The following SAP130 variants were observed in gnomAD, a reference collection of about 807,000 sequenced individuals.
The protein encoded by SAP130 is histone deacetylase complex subunit SAP130.
SAP130 carries 16 observed loss-of-function variants against 103.2 expected under a neutral mutation model. The ratio of observed to expected loss-of-function variants is 0.16; its 90% CI spans 0.10 to 0.24. The LOEUF is 0.24. Ranked by LOEUF, SAP130 falls within the 10% of genes least tolerant of loss-of-function variation. The probability of loss-of-function intolerance (pLI) is 1.00; values close to 1 mark genes in which losing one functional copy is unlikely to be tolerated. For synonymous variants in SAP130, 477 were observed against 497.0 expected (o/e 0.96, Z 0.53); for missense variants, 990 against 1,359.7 (o/e 0.73, Z 4.28).
intron 2 of SAP130, among the ~76,000 whole-genome samples, chr2:128,019,498 G>A (rs1442239615): frequency 6.6e-6 from 1 of 152,134 alleles, no homozygotes; most frequent in Non-Finnish European, 1.5e-5. Flanking sequence ...TGAATACCTG[G>A]GATCGAGTGT....
intron 18 of SAP130, among the ~76,000 whole-genome samples, chr2:127,948,328 G>GTTTGT (rs1679258898): frequency 9.8e-6 from 1 of 101,536 alleles, no homozygotes; most frequent in Non-Finnish European, 2.0e-5. Context: ...TTTCCTGTGA[G>GTTTGT]TTTTTTTTTT....
chr2:127,974,044 AAAAC>A (rs562770343), intron 15 of SAP130, among the ~76,000 whole-genome samples: 23 of 152,304 alleles, frequency 1.5e-4, no homozygotes, highest in African/African-American at 3.6e-4. Context: ...CTATTTCATT[AAAAC>A]AAACAAACAA....
At chr2:127,994,420 G>A (rs563716929) in intron 11 of SAP130, among the ~76,000 whole-genome samples, 17 of 152,044 alleles carry the variant, frequency 1.1e-4, no homozygotes, top group Non-Finnish European at 2.5e-4. Flanking sequence ...GCGAAACTCC[G>A]TCTTCTACTA....
intron 12 of SAP130, among the ~76,000 whole-genome samples, chr2:127,992,530 C>T (rs1387779525): frequency 6.6e-6 from 1 of 152,116 alleles, no homozygotes; most frequent in East Asian, 1.9e-4. Context: ...TCTGCCTGCC[C>T]TGCCTCAGCC....
intron 3 of SAP130, among the ~76,000 whole-genome samples, chr2:128,017,230 C>T (rs1171741962): frequency 1.3e-5 from 2 of 152,118 alleles, no homozygotes; most frequent in Admixed American, 1.3e-4. Context: ...GCTGAGGCTG[C>T]AGAACCGCTT....
chr2:127,959,946 A>C (rs1183449156), intron 15 of SAP130, among the ~76,000 whole-genome samples: 1 of 152,152 alleles, frequency 6.6e-6, no homozygotes, highest in Non-Finnish European at 1.5e-5. Context: ...GTGGCTCTTC[A>C]CAGGCATGAT....
chr2:128,016,582 G>A (rs748416222), intron 3 of SAP130, 35 bp from the exon 4 acceptor site: 2 of 1,577,488 alleles, frequency 1.3e-6, no homozygotes, highest in Non-Finnish European at 8.6e-7. Context: ...CATATCAATG[G>A]CCTCATACTG....
At chr2:127,949,219 A>C (rs1679327022) in intron 18 of SAP130, among the ~76,000 whole-genome samples, 1 of 152,198 alleles carries the variant, frequency 6.6e-6, no homozygotes, top group South Asian at 2.1e-4. Context: ...AAATGTGACC[A>C]ATTATCTAGA....
At position 127,942,799 on chromosome 2, in the gene SAP130, AC is replaced by A. The variant is rs1177195322; in HGVS notation, c.2902-263del. Among the ~76,000 whole-genome samples, 1 of 152,024 alleles carries A rather than the reference AC, an allele frequency of 6.6e-6. No homozygotes were observed. The highest frequency in any genetic ancestry group is 2.4e-5 in the African/African-American group (1 of 41,406). ...AGGTCCAGAGTTTGAGACCAGCCTG[AC>A]CAACAAGGTGAAACGCCATCTCTAT... On this transcript the variant is annotated intron_variant, in intron 19 of 20. Transcript: ENST00000643581. The surrounding 1 kb of genome is among the most constrained non-coding windows in gnomAD (Gnocchi z 4.8).
chr2:127,947,186 C>G (rs1679147760), intron 18 of SAP130, among the ~76,000 whole-genome samples: 1 of 152,002 alleles, frequency 6.6e-6, no homozygotes, highest in African/African-American at 2.4e-5. Flanking sequence ...GGATTCTCCT[C>G]TACTGCTTTC....
rs1261193408 is a variant in SAP130 at position 127,949,871 on chromosome 2, T to C, written c.2795A>G (p.Lys932Arg). Residue 932 changes from lysine to arginine, a missense_variant and splice_region_variant, in exon 18 of 21, where the codon AAA becomes AGA. Physicochemically the swap from Lys to Arg is conservative, Grantham distance 26. Coordinates refer to ENST00000643581, the MANE Select transcript of SAP130 (RefSeq NM_001330301.2). ...CAAGTGTTTCTGGGGAAACTAACCTTTGACCCGGACGTCACTGTACCTCTG... is the reference window on the plus strand; with the variant it reads ...CAAGTGTTTCTGGGGAAACTAACCTCTGACCCGGACGTCACTGTACCTCTG... ...HFQRYSDVRVKEEKKAMLQEI... is the reference protein window; with the variant it reads ...HFQRYSDVRVREEKKAMLQEI... 1.9e-6 allele frequency: 3 copies of C among 1,614,134 alleles called. No individual in the cohort carries two copies. The highest frequency in any genetic ancestry group is 1.7e-6 in the Non-Finnish European group (2 of 1,179,988).
chr2:128,003,812 C>T lies in SAP130; in HGVS notation c.870-3358G>A, dbSNP rs1308318650. Among the ~76,000 whole-genome samples, 3 of 152,160 alleles carry T rather than the reference C, an allele frequency of 2.0e-5. No individual in the cohort carries two copies. The East Asian group carries it at 5.8e-4, about 29-fold the overall frequency. ...TTGAGATTTTGGAATTATATACTTA[C>T]AGACTCAGCATCCCCAATCCAAAAA... On this transcript the variant is annotated intron_variant, in intron 7 of 20. Coordinates refer to ENST00000643581, the MANE Select transcript of SAP130 (RefSeq NM_001330301.2).
chr2:127,990,192 C>A (rs1682691406), intron 12 of SAP130, among the ~76,000 whole-genome samples: 1 of 152,002 alleles, frequency 6.6e-6, no homozygotes, highest in Non-Finnish European at 1.5e-5. Flanking sequence ...CAGAAATACA[C>A]CCAGAGGTCC....
At chr2:127,972,476 G>C (rs755780481) in intron 15 of SAP130, among the ~76,000 whole-genome samples, 4 of 152,100 alleles carry the variant, frequency 2.6e-5, no homozygotes, top group Non-Finnish European at 4.4e-5. Flanking sequence ...CAGCTTAGCA[G>C]GCTGGGCGTG....
intron 13 of SAP130, 147 bp from the exon 14 acceptor site, chr2:127,987,109 T>A: frequency 1.5e-6 from 1 of 686,478 alleles, no homozygotes; most frequent in Non-Finnish European, 2.4e-6. Context: ...AGGAGCACAA[T>A]GTTCATCCGA....
At chr2:127,967,231 C>T (rs1346927805) in intron 15 of SAP130, among the ~76,000 whole-genome samples, 1 of 152,214 alleles carries the variant, frequency 6.6e-6, no homozygotes, top group Non-Finnish European at 1.5e-5. Context: ...ATTTTAACTT[C>T]TCCCTACCAG....
At chr2:127,964,746 C>A (rs1385857666) in intron 15 of SAP130, among the ~76,000 whole-genome samples, 1 of 152,090 alleles carries the variant, frequency 6.6e-6, no homozygotes, top group African/African-American at 2.4e-5. Flanking sequence ...GCCTGTAATG[C>A]CAACACTTTG....
At chr2:127,981,238 A>C (rs548493573) in intron 14 of SAP130, among the ~76,000 whole-genome samples, 4 of 151,970 alleles carry the variant, frequency 2.6e-5, no homozygotes, top group African/African-American at 9.7e-5. Flanking sequence ...AAAGCTGGCA[A>C]AAAACATCTC....
At chr2:127,998,296 A>G (rs1683312285) in intron 10 of SAP130, among the ~76,000 whole-genome samples, 1 of 152,212 alleles carries the variant, frequency 6.6e-6, no homozygotes, top group Admixed American at 6.5e-5. Flanking sequence ...TGACCAGAAC[A>G]TGAAGAAAAT....
Sources: gnomAD v4.1 joint callset for allele counts (sites outside exome capture counted in the v4.1 genomes callset) on GRCh38, gnomAD v4.1.1 for gene constraint, Gnocchi (gnomAD v3.1) non-coding constraint, MANE v1.5 for transcripts, NCBI Gene and HGNC (gene_info 2026-07-23, HGNC 2026-07-21) for gene names.